Variants in MICB observed in about 807,000 individuals in gnomAD.
MICB encodes the protein MHC class I polypeptide-related sequence B, also known as MHC class I antigen-related protein B.
A neutral mutation model predicts 34.3 loss-of-function variants in MICB; 27 were observed. The observed-to-expected ratio is 0.79, with a 90% CI of 0.58 to 1.08. MICB has a LOEUF of 1.08. Among genes scored for constraint, MICB ranks in the 50% least tolerant of loss-of-function variants. The probability of loss-of-function intolerance (pLI) is 0.00; values close to 1 mark genes in which losing one functional copy is unlikely to be tolerated. For synonymous variants in MICB, 153 were observed against 187.4 expected, an observed-to-expected ratio of 0.82 and a Z score of 1.50; for missense variants, 426 against 483.1, an observed-to-expected ratio of 0.88 and a Z score of 1.11.
At chr6:31,503,649 A>G (rs1271093530) in intron 1 of MICB, among the ~76,000 whole-genome samples, 1 of 152,198 alleles carries the variant, frequency 6.6e-6, no homozygotes, top group African/African-American at 2.4e-5. Context: ...TTAATGATGA[A>G]TAATACTCAT....
intron 1 of MICB, among the ~76,000 whole-genome samples, chr6:31,499,100 C>G (rs1448176114): frequency 6.6e-6 from 1 of 151,986 alleles, no homozygotes; most frequent in Non-Finnish European, 1.5e-5. Flanking sequence ...GTGCTTCTTG[C>G]TGCTGTGGGG....
chr6:31,503,949 CTGTGTGTG>C (rs9279324), intron 1 of MICB, among the ~76,000 whole-genome samples: 4 of 97,528 alleles, frequency 4.1e-5, no homozygotes, highest in African/African-American at 1.2e-4. Flanking sequence ...GCCAAACTTG[CTGTGTGTG>C]TGTGTGTGTG....
Position 31,510,044 on chromosome 6 carries a change from G to T in MICB, c.*135G>T. On this transcript the variant is annotated 3_prime_UTR_variant, in exon 6 of 6. Coordinates refer to ENST00000252229, the MANE Select transcript of MICB (RefSeq NM_005931.5). The stretch of plus-strand genomic sequence containing the variant: ...TGTTGGATGCTGCAAAGTGTTAGTA[G>T]GTATGAGGTGTTTGCTGCTCTGCCA... The T allele has an allele frequency of 1.9e-6, 2 of 1,055,820 alleles. No individual in the cohort carries two copies. Among genetic ancestry groups the T allele is most frequent in the Non-Finnish European group, 2.6e-6 (2 of 765,194 alleles). 65.4% of individuals were successfully genotyped at this position (1,055,820 alleles called of 1,614,324 possible). A position where few individuals can be genotyped will look rare whatever the true frequency, so the allele number is the denominator to read the frequency against.
chr6:31,499,857 A>G lies in MICB; in HGVS notation c.70+1594A>G, dbSNP rs540854478. Among the ~76,000 whole-genome samples the G allele has an allele frequency of 4.9e-4, 75 of 152,040 alleles. 1 individual carries two copies. In the South Asian group the frequency reaches 8.5e-3, roughly 17 times the overall value. Reference sequence around the variant, plus strand: ...TGCCCAGCTGCCTGGGGCCCTCAGCAAGTTCTCATCTTTCAGTGGGAAAGT... The same window carrying G: ...TGCCCAGCTGCCTGGGGCCCTCAGCGAGTTCTCATCTTTCAGTGGGAAAGT... On this transcript the variant is annotated intron_variant, in intron 1 of 5. Coordinates refer to ENST00000252229, the MANE Select transcript of MICB (RefSeq NM_005931.5).
chr6:31,498,047 G>T, upstream of MICB: 1 of 459,864 alleles, frequency 2.2e-6, no homozygotes, highest in South Asian at 2.2e-5. Context: ...CTCCACTCAT[G>T]ATTGGCCCTA....
intron 1 of MICB, among the ~76,000 whole-genome samples, chr6:31,499,881 GT>G (rs1411828071): frequency 1.3e-5 from 2 of 152,098 alleles, no homozygotes; most frequent in African/African-American, 4.8e-5. Context: ...CAGTGGGAAA[GT>G]GGGAGTGCTG....
upstream of MICB, chr6:31,494,970 T>A (rs72844759): frequency 1.3e-5 from 1 of 75,980 alleles, no homozygotes; most frequent in Non-Finnish European, 2.7e-5. Flanking sequence ...AAGTCGCCTC[T>A]GTGCTCGTGA....
intron 1 of MICB, among the ~76,000 whole-genome samples, chr6:31,503,986 T>TG (rs1371417972): frequency 1.4e-5 from 2 of 147,776 alleles, no homozygotes; most frequent in African/African-American, 2.5e-5. Flanking sequence ...TGTGTGTGTG[T>TG]GATAATAGCC....
chr6:31,500,503 T>C (rs1764961812), intron 1 of MICB, among the ~76,000 whole-genome samples: 1 of 152,206 alleles, frequency 6.6e-6, no homozygotes. Context: ...AATAAATTAT[T>C]GTTGGCTGTA....
rs1764788011 is a variant in MICB at position 31,498,266 on chromosome 6, G to A, written c.70+3G>A. 1 of 1,565,474 alleles carries A rather than the reference G, an allele frequency of 6.4e-7. No homozygotes were observed. Among genetic ancestry groups the A allele is most frequent in the Non-Finnish European group, 8.7e-7 (1 of 1,153,200 alleles). The stretch of plus-strand genomic sequence containing the variant: ...TGCACCCCCGGCAGCCGCCGCTGGT[G>A]AGTGGGGTTCCTGGCGGTCCCCGGC... On this transcript the variant is annotated splice_donor_region_variant and intron_variant, in intron 1 of 5. Coordinates refer to ENST00000252229, the MANE Select transcript of MICB (RefSeq NM_005931.5).
At chr6:31,503,953 G>T (rs28831701) in intron 1 of MICB, among the ~76,000 whole-genome samples, 5,976 of 20,016 alleles carry the variant, frequency 0.3, 295 homozygotes, top group East Asian at 0.52. Flanking sequence ...AACTTGCTGT[G>T]TGTGTGTGTG....
rs1765627464 is a variant in MICB, at chr6:31,510,780, A to G, written c.*871A>G. 6.6e-6 allele frequency: 1 copy of G among 152,174 alleles called. No homozygotes were observed. Among genetic ancestry groups the G allele is most frequent in the South Asian group, 2.1e-4 (1 of 4,836 alleles). 9.4% of individuals were successfully genotyped at this position (152,174 alleles called of 1,614,324 possible). ...AGCCCAGTTTCAAACTCCTGACCTC[A>G]GGTGATCTGCCTGCCTTGGCATCCC... is the stretch of plus-strand genomic sequence containing the variant. On this transcript the variant is annotated 3_prime_UTR_variant, in exon 6 of 6. Coordinates refer to ENST00000252229, the MANE Select transcript of MICB (RefSeq NM_005931.5).
At chr6:31,501,548 T>A (rs893211308) in intron 1 of MICB, among the ~76,000 whole-genome samples, 1 of 152,200 alleles carries the variant, frequency 6.6e-6, no homozygotes, top group African/African-American at 2.4e-5. Flanking sequence ...TTTTCTTTCA[T>A]AGTTTTCATA....
intron 3 of MICB, 80 bp from the exon 4 acceptor site, chr6:31,506,942 A>G (rs1412895544): frequency 7.1e-6 from 11 of 1,551,766 alleles, no homozygotes; most frequent in Non-Finnish European, 9.6e-6. Context: ...GAGTGAGAAC[A>G]GTGGAGAGGA....
At chr6:31,498,341 G>A in intron 1 of MICB, 78 bp downstream of exon 1, 1 of 1,267,424 alleles carries the variant, frequency 7.9e-7, no homozygotes, top group Non-Finnish European at 1.1e-6. Flanking sequence ...GTTGCCGCGA[G>A]CGCTGTGCGG....
chr6:31,503,767 TTATTTCTTTTGAG>T (rs1360335598), intron 1 of MICB, among the ~76,000 whole-genome samples: 1 of 152,326 alleles, frequency 6.6e-6, no homozygotes, highest in African/African-American at 2.4e-5. Context: ...GGGTATATAT[TTATTTCTTTTGAG>T]TATTTCTTTT....
chr6:31,510,437 T>C lies in MICB; in HGVS notation c.*528T>C, dbSNP rs1765609374. 6.6e-6 allele frequency: 1 copy of C among 152,490 alleles called. No individual in the cohort carries two copies. Among genetic ancestry groups the C allele is most frequent in the Non-Finnish European group, 1.5e-5 (1 of 68,266 alleles). The allele number at this position is 152,490 out of a possible 1,614,324, so 9.4% of individuals were successfully genotyped here. A position where few individuals can be genotyped will look rare whatever the true frequency, so the allele number is the denominator to read the frequency against. ...CCCTTGTTCCAAATATACTCTTTTG[T>C]CTTTCTCTTTATTCCCACGTTCGCC... On this transcript the variant is annotated 3_prime_UTR_variant, in exon 6 of 6. Transcript: ENST00000252229.
rs765377922 is a variant in MICB, at chr6:31,507,036, A to C, written c.628A>C (p.Asn210His). 2.5e-6 allele frequency: 4 copies of C among 1,613,636 alleles called. No homozygotes were observed. The highest frequency in any genetic ancestry group is 3.4e-6 in the Non-Finnish European group (4 of 1,179,644). The change falls in exon 4 of 6, where the codon AAT becomes CAT. Residue 210 changes from asparagine to histidine, a missense_variant. Physicochemically the swap from Asn to His is moderately conservative, Grantham distance 68. Coordinates refer to ENST00000252229, the MANE Select transcript of MICB (RefSeq NM_005931.5). This position sits in a 1 kb window ranked among gnomAD's most constrained non-coding sequence, Gnocchi z 6.0. ...AIRRTVPPMV[N>H]VTCSEVSEGN... The stretch of plus-strand genomic sequence containing the variant: ...TTCTTCTCCAGTGCCCCCCATGGTG[A>C]ATGTCACCTGCAGCGAGGTCTCAGA...
chr6:31,504,261 T>TTC (rs1357122020), intron 1 of MICB, among the ~76,000 whole-genome samples: 3 of 110,418 alleles, frequency 2.7e-5, no homozygotes, highest in Admixed American at 9.0e-5. Flanking sequence ...TTTCTTTTTT[T>TTC]TTTTTTTTTT....
Sources: allele counts gnomAD v4.1 joint callset (sites outside exome capture counted in the v4.1 genomes callset), GRCh38; gene constraint gnomAD v4.1.1; non-coding constraint Gnocchi (gnomAD v3.1); transcripts MANE v1.5; gene names NCBI Gene and HGNC (gene_info 2026-07-23, HGNC 2026-07-21).